The following SMAD7 variants were observed in gnomAD, a reference collection of about 807,000 sequenced individuals.
SMAD7 encodes SMAD family member 7, also known as MAD (mothers against decapentaplegic, Drosophila) homolog 7.
A neutral mutation model predicts 38.7 loss-of-function variants in SMAD7; 8 were observed. The observed-to-expected ratio is 0.21, with a 90% confidence interval of 0.12 to 0.37. The LOEUF (loss-of-function observed/expected upper bound fraction) is 0.37. SMAD7 is among the 10% of genes least tolerant of loss of function. SMAD7 has a pLI of 1.00. For missense variants in SMAD7, 477 were observed against 577.9 expected, an observed-to-expected ratio of 0.83 and a Z score of 1.79; for synonymous variants, 327 against 265.1, an observed-to-expected ratio of 1.23 and a Z score of -2.27.
intron 3 of SMAD7, among the ~76,000 whole-genome samples, chr18:48,925,644 A>C (rs912171224): frequency 6.6e-6 from 1 of 152,186 alleles, no homozygotes; most frequent in African/African-American, 2.4e-5. Context: ...AGGAGACCAG[A>C]GGCTCGTGAA....
chr18:48,937,243 C>G (rs896560656), intron 3 of SMAD7, among the ~76,000 whole-genome samples: 2 of 146,648 alleles, frequency 1.4e-5, no homozygotes, highest in Non-Finnish European at 3.0e-5. Flanking sequence ...CAGCTACAGT[C>G]AGGCTTTGCT....
At chr18:48,927,237 C>T (rs142928972) in intron 3 of SMAD7, among the ~76,000 whole-genome samples, 1 of 152,202 alleles carries the variant, frequency 6.6e-6, no homozygotes, top group African/African-American at 2.4e-5. Flanking sequence ...CCCATCTCCA[C>T]CACCCCATGC....
Position 48,949,923 on chromosome 18 carries a change from G to A in SMAD7, c.502C>T (p.Leu168Phe). Residue 168 changes from leucine to phenylalanine, a missense_variant, in exon 1 of 4, where the codon CTC (leucine) becomes TTC (phenylalanine). Physicochemically the swap from Leu to Phe is conservative, Grantham distance 22. This residue lies in a region of SMAD7 where 376 missense variants were observed against 379.4 expected (regional missense o/e 0.99). Coordinates refer to ENST00000262158, the MANE Select transcript of SMAD7 (RefSeq NM_005904.4). Reference protein sequence around the residue: ...LLCKVFRWPDLRHSSEVKRLC... With the variant: ...LLCKVFRWPDFRHSSEVKRLC... The stretch of plus-strand genomic sequence containing the variant: ...CTCTTGACTTCCGAGGAATGCCTGA[G>A]ATCCGGCCACCTGAACACTTTGCAC... The A allele has an allele frequency of 1.2e-6, 2 of 1,613,660 alleles. No homozygotes were observed. Among genetic ancestry groups the A allele is most frequent in the Non-Finnish European group, 1.7e-6 (2 of 1,179,932 alleles).
intron 3 of SMAD7, among the ~76,000 whole-genome samples, chr18:48,941,497 A>T (rs1004891541): frequency 1.3e-5 from 2 of 152,236 alleles, no homozygotes; most frequent in Non-Finnish European, 2.9e-5. Context: ...CCCACAAAAA[A>T]GGGTGCCCCT....
chr18:48,938,147 G>C (rs765575232), intron 3 of SMAD7, among the ~76,000 whole-genome samples: 1 of 152,216 alleles, frequency 6.6e-6, no homozygotes, highest in Admixed American at 6.5e-5. Context: ...AGCCAGGGGT[G>C]CATTTTCAGA....
chr18:48,940,590 A>C (rs1482100245), intron 3 of SMAD7, among the ~76,000 whole-genome samples: 1 of 152,104 alleles, frequency 6.6e-6, no homozygotes, highest in Non-Finnish European at 1.5e-5. Context: ...ATCTCTACTA[A>C]AAATACAAAA....
chr18:48,936,587 T>C (rs2070069700), intron 3 of SMAD7, among the ~76,000 whole-genome samples: 1 of 152,214 alleles, frequency 6.6e-6, no homozygotes, highest in South Asian at 2.1e-4. Context: ...GAAAGTTATC[T>C]GGGAAGCTGA....
rs1348924793 is a variant in SMAD7 at position 48,940,632 on chromosome 18, A to G, written c.742+1849T>C. On this transcript the variant is annotated intron_variant, in intron 3 of 3. Transcript: ENST00000262158. ...CTGGGCACAGTGGTGGATGCCTGTA[A>G]TCCCAGCTACTTGGGAGGCTGAGGC... 6.6e-5 allele frequency among the ~76,000 whole-genome samples: 10 copies of G among 152,222 alleles called. No homozygotes were observed. In the South Asian group the frequency reaches 2.1e-3, roughly 32 times the overall value.
rs778642435 is a variant in SMAD7, at chr18:48,950,056, G to A, written c.369C>T (p.Thr123=). Residue 123 remains threonine, a synonymous_variant, in exon 1 of 4, where the codon ACC becomes ACT. Coordinates refer to ENST00000262158, the MANE Select transcript of SMAD7 (RefSeq NM_005904.4). ...GGCGGCCGGGCAGCAGGAGGCACGC[G>A]GTGCGCGTCCCGCCGCGGGACTCCA... ...QAVESRGGTR[T]ACLLLPGRLD... 4 of 1,433,340 alleles carry A rather than the reference G, an allele frequency of 2.8e-6. No individual in the cohort carries two copies. Among genetic ancestry groups the A allele is most frequent in the African/African-American group, 1.5e-5 (1 of 66,200 alleles). The allele number at this position is 1,433,340 out of a possible 1,614,324, so 88.8% of individuals were successfully genotyped here. A position where few individuals can be genotyped will look rare whatever the true frequency, so the allele number is the denominator to read the frequency against.
intron 3 of SMAD7, among the ~76,000 whole-genome samples, chr18:48,936,028 T>A: frequency 6.7e-6 from 1 of 150,306 alleles, no homozygotes; most frequent in East Asian, 2.0e-4. Flanking sequence ...TGAGCCGAGA[T>A]CACGCCACTG....
Position 48,950,347 on chromosome 18 carries a change from C to T in SMAD7, c.78G>A (p.Glu26=). The T allele has an allele frequency of 6.5e-7, 1 of 1,542,610 alleles. No individual in the cohort carries two copies. ...SRAPGGEDEE[E]GAGGGGGGGE... Reference sequence around the variant, plus strand: ...CTCCTCCTCCACCTCCCCCTGCGCCCTCCTCCTCGTCCTCGCCGCCGGGCG... The same window carrying T: ...CTCCTCCTCCACCTCCCCCTGCGCCTTCCTCCTCGTCCTCGCCGCCGGGCG... Residue 26 remains glutamate (E), a synonymous_variant, in exon 1 of 4, where the codon GAG becomes GAA. Transcript: ENST00000262158.
chr18:48,947,557 T>C (rs1248260993), intron 2 of SMAD7, among the ~76,000 whole-genome samples: 2 of 152,266 alleles, frequency 1.3e-5, no homozygotes, highest in African/African-American at 2.4e-5. Context: ...CCTGTACTTT[T>C]AGCAAACAGA....
intron 3 of SMAD7, among the ~76,000 whole-genome samples, chr18:48,922,979 C>T (rs1214086329): frequency 1.3e-5 from 2 of 152,174 alleles, no homozygotes; most frequent in Admixed American, 6.5e-5. Context: ...AAGGGAGCCC[C>T]GGCGGCGGGC....
rs143029140 is a variant in SMAD7, at chr18:48,921,405, C to A, written c.1248G>T (p.Pro416=). 2 of 1,613,730 alleles carry A rather than the reference C, an allele frequency of 1.2e-6. No individual in the cohort carries two copies. Among genetic ancestry groups the A allele is most frequent in the Admixed American group, 3.3e-5 (2 of 59,988 alleles). The stretch of plus-strand genomic sequence containing the variant: ...TGTTGAAGATGACCTCTAGCCAGCA[C>A]GGGCAGCTGCTGATGAACTGGCGGG... ...CYTRQFISSC[P]CWLEVIFNSR The change falls in exon 4 of 4, where the codon CCG becomes CCT. Residue 416 remains proline, a synonymous_variant. Coordinates refer to ENST00000262158, the MANE Select transcript of SMAD7 (RefSeq NM_005904.4). This position sits in a 1 kb window ranked among gnomAD's most constrained non-coding sequence, Gnocchi z 6.4.
chr18:48,932,317 A>T (rs1169326448), intron 3 of SMAD7, among the ~76,000 whole-genome samples: 1 of 152,236 alleles, frequency 6.6e-6, no homozygotes, highest in Non-Finnish European at 1.5e-5. Context: ...CTAATCTGCC[A>T]ACGGCACAGT....
intron 3 of SMAD7, among the ~76,000 whole-genome samples, chr18:48,939,408 T>C (rs1329677229): frequency 1.0e-5 from 1 of 96,960 alleles, no homozygotes; most frequent in African/African-American, 4.2e-5. Flanking sequence ...AAAGCTGCAA[T>C]GCTGGAATTC....
intron 3 of SMAD7, among the ~76,000 whole-genome samples, chr18:48,939,571 C>G (rs1568303550): frequency 6.6e-6 from 1 of 151,830 alleles, no homozygotes. Context: ...ACCCCACCCC[C>G]ACCTCCGAGG....
In SMAD7 at chr18:48,926,092, G is replaced by A. The variant is rs374537437; in HGVS notation, c.743-4182C>T. On this transcript the variant is annotated intron_variant, in intron 3 of 3. Coordinates refer to ENST00000262158, the MANE Select transcript of SMAD7 (RefSeq NM_005904.4). Reference sequence around the variant, plus strand: ...GAAGGCGTCAGGAGATGAGAAAGAAGAAAAATGGGAGGAGGGGGGAAAGGC... The same window carrying A: ...GAAGGCGTCAGGAGATGAGAAAGAAAAAAAATGGGAGGAGGGGGGAAAGGC... Among the ~76,000 whole-genome samples the A allele has an allele frequency of 3.3e-5, 5 of 152,294 alleles. No homozygotes were observed. The South Asian group carries it at 1.0e-3, about 32-fold the overall frequency.
intron 3 of SMAD7, among the ~76,000 whole-genome samples, chr18:48,931,680 C>T (rs1267321074): frequency 1.3e-5 from 2 of 152,214 alleles, no homozygotes; most frequent in African/African-American, 2.4e-5. Context: ...CACAGATCAC[C>T]GAAGGGACTT....
Sources: gnomAD v4.1 joint callset for allele counts (sites outside exome capture counted in the v4.1 genomes callset) on GRCh38, gnomAD v4.1.1 for gene constraint, gnomAD v4.1.1 regional missense constraint, Gnocchi (gnomAD v3.1) non-coding constraint, MANE v1.5 for transcripts, NCBI Gene and HGNC (gene_info 2026-07-23, HGNC 2026-07-21) for gene names.